The following CDH4 variants were observed in gnomAD, a reference collection of about 807,000 sequenced individuals.
CDH4 encodes cadherin 4, also known as cadherin-4.
Under a neutral mutation model 86.0 loss-of-function variants are expected in CDH4, and 33 were observed. The ratio of observed to expected loss-of-function variants is 0.38; its 90% CI spans 0.29 to 0.51. CDH4 has a LOEUF of 0.51. Among genes scored for constraint, CDH4 ranks in the 20% least tolerant of loss-of-function variants. The pLI is 0.86. For synonymous variants in CDH4, 555 were observed against 549.4 expected (o/e 1.01, Z -0.14); for missense variants, 1,114 against 1,307.4 (o/e 0.85, Z 2.28).
At chr20:61,667,402 C>T (rs539146077) in intron 2 of CDH4, among the ~76,000 whole-genome samples, 83 of 152,312 alleles carry the variant, frequency 5.4e-4, no homozygotes, top group African/African-American at 2.0e-3. Flanking sequence ...ATGAGGAAAC[C>T]GGGGAACAGA....
intron 14 of CDH4, 42 bp from the exon 15 acceptor site, chr20:61,934,014 A>C: frequency 3.7e-6 from 6 of 1,603,608 alleles, no homozygotes; most frequent in Non-Finnish European, 5.1e-6. Flanking sequence ...GGGCTGGCGG[A>C]TTCTTCTGAT....
intron 2 of CDH4, among the ~76,000 whole-genome samples, chr20:61,413,180 G>A (rs2085129028): frequency 6.7e-6 from 1 of 150,076 alleles, no homozygotes; most frequent in African/African-American, 2.5e-5. Flanking sequence ...CCCATTCGCA[G>A]AGCTTCCCCG....
intron 2 of CDH4, among the ~76,000 whole-genome samples, chr20:61,464,478 G>A (rs946501485): frequency 2.1e-4 from 32 of 152,156 alleles, no homozygotes; most frequent in Admixed American, 1.8e-3. Context: ...GAATAGCTTC[G>A]TTTATCATTA....
At chr20:61,609,156 T>G (rs962016664) in intron 2 of CDH4, among the ~76,000 whole-genome samples, 2 of 152,260 alleles carry the variant, frequency 1.3e-5, no homozygotes, top group Non-Finnish European at 2.9e-5. Flanking sequence ...CAAGCCATTA[T>G]AGGAAGGACA....
intron 2 of CDH4, among the ~76,000 whole-genome samples, chr20:61,580,665 A>T (rs761330139): frequency 1.8e-4 from 28 of 151,860 alleles, no homozygotes; most frequent in Middle Eastern, 3.4e-3. Flanking sequence ...CCCCCTTATG[A>T]CTCCTGCTGG....
At chr20:61,878,048 A>T (rs1347663017) in intron 7 of CDH4, among the ~76,000 whole-genome samples, 1 of 152,146 alleles carries the variant, frequency 6.6e-6, no homozygotes, top group Non-Finnish European at 1.5e-5. Context: ...GTCATCCCAG[A>T]GAGGACAACA....
intron 2 of CDH4, among the ~76,000 whole-genome samples, chr20:61,324,673 C>T (rs2084527465): frequency 6.6e-6 from 1 of 152,156 alleles, no homozygotes; most frequent in Admixed American, 6.5e-5. Flanking sequence ...TTCTGAGTTT[C>T]CAGAGGAATG....
At chr20:61,933,940 C>A (rs2055145817) in intron 14 of CDH4, 116 bp from the exon 15 acceptor site, 1 of 1,194,314 alleles carries the variant, frequency 8.4e-7, no homozygotes, top group South Asian at 1.4e-5. Context: ...GCTTGGAGAC[C>A]AGGCCACAGG....
intron 4 of CDH4, among the ~76,000 whole-genome samples, chr20:61,800,000 C>G (rs933680936): frequency 6.6e-6 from 1 of 152,136 alleles, no homozygotes; most frequent in Non-Finnish European, 1.5e-5. Flanking sequence ...ATGACCCGCT[C>G]GGCTGCAGCG....
chr20:61,260,006 C>G (rs2084120246), intron 2 of CDH4, among the ~76,000 whole-genome samples: 1 of 152,202 alleles, frequency 6.6e-6, no homozygotes, highest in African/African-American at 2.4e-5. Context: ...AAGGCATCCT[C>G]AAACAATGGC....
chr20:61,626,780 A>G (rs1396543097), intron 2 of CDH4, among the ~76,000 whole-genome samples: 1 of 152,178 alleles, frequency 6.6e-6, no homozygotes, highest in Non-Finnish European at 1.5e-5. Flanking sequence ...GAATGATAGG[A>G]AGGCAGCCAT....
At chr20:61,527,783 C>G (rs2085921637) in intron 2 of CDH4, among the ~76,000 whole-genome samples, 1 of 152,038 alleles carries the variant, frequency 6.6e-6, no homozygotes, top group African/African-American at 2.4e-5. Context: ...CCTCCCCTTC[C>G]AGAGGCATCT....
intron 2 of CDH4, among the ~76,000 whole-genome samples, chr20:61,465,192 T>C (rs1259920881): frequency 6.6e-6 from 1 of 152,220 alleles, no homozygotes; most frequent in East Asian, 1.9e-4. Flanking sequence ...GCCAGAGAAC[T>C]TGCTGGAGAG....
intron 2 of CDH4, among the ~76,000 whole-genome samples, chr20:61,354,280 C>A (rs2084733475): frequency 6.6e-6 from 1 of 152,112 alleles, no homozygotes; most frequent in South Asian, 2.1e-4. Flanking sequence ...GGGCGGTTTT[C>A]CAGACAGTCC....
In CDH4 at chr20:61,383,099, GAATAT is replaced by G. The variant is rs1415060714; in HGVS notation, c.169+128164_169+128168del. On this transcript the variant is annotated intron_variant, in intron 2 of 15. Transcript: ENST00000614565. ...ATAATATATATATGAATATATATATGAATATATTATATATAGAATATATATGAATA... is the reference window on the plus strand; with the variant it reads ...ATAATATATATATGAATATATATATGATTATATATAGAATATATATGAATA... 7.3e-3 allele frequency among the ~76,000 whole-genome samples: 585 copies of G among 80,670 alleles called. 2 individuals are homozygous for G. The highest frequency in any genetic ancestry group is 9.3e-3 in the African/African-American group (156 of 16,742). 52.9% of individuals were successfully genotyped at this position (80,670 alleles called of 152,430 possible). A position where few individuals can be genotyped will look rare whatever the true frequency, so the allele number is the denominator to read the frequency against.
chr20:61,801,216 C>A (rs556548315), intron 4 of CDH4, among the ~76,000 whole-genome samples: 2 of 152,116 alleles, frequency 1.3e-5, no homozygotes, highest in African/African-American at 4.8e-5. Context: ...CAGGCTGCAG[C>A]GGGAGAGCCG....
chr20:61,852,442 C>A (rs973258689), intron 5 of CDH4, among the ~76,000 whole-genome samples: 2 of 152,234 alleles, frequency 1.3e-5, no homozygotes, highest in African/African-American at 4.8e-5. Context: ...TCAGAACAGT[C>A]GGTGGCTCAC....
Position 61,442,405 on chromosome 20 carries a change from A to G in CDH4, c.169+187468A>G, listed in dbSNP as rs144540218. On this transcript the variant is annotated intron_variant, in intron 2 of 15. Coordinates refer to ENST00000614565, the MANE Select transcript of CDH4 (RefSeq NM_001794.5). ...TCAGTGAAACATCCCCATATCGCTT[A>G]TGCTCATCATCTGCTGTGCAAATAT... 3.0e-3 allele frequency among the ~76,000 whole-genome samples: 387 copies of G among 130,052 alleles called. 1 individual carries two copies. Among genetic ancestry groups the G allele is most frequent in the Non-Finnish European group, 5.3e-3 (311 of 58,324 alleles). The allele number at this position is 130,052 out of a possible 152,430, so 85.3% of individuals were successfully genotyped here.
At chr20:61,493,419 G>A (rs575815037) in intron 2 of CDH4, among the ~76,000 whole-genome samples, 3 of 152,332 alleles carry the variant, frequency 2.0e-5, no homozygotes, top group South Asian at 2.1e-4. Flanking sequence ...CCCCTCTGCA[G>A]GTCATCACCT....
Sources: allele counts gnomAD v4.1 joint callset (sites outside exome capture counted in the v4.1 genomes callset), GRCh38; gene constraint gnomAD v4.1.1; transcripts MANE v1.5; gene names NCBI Gene and HGNC (gene_info 2026-07-23, HGNC 2026-07-21).